Variants in C4orf50 observed in about 807,000 individuals in gnomAD.
C4orf50 encodes uncharacterized protein C4orf50.
A neutral mutation model predicts 77.2 loss-of-function variants in C4orf50; 80 were observed. The observed-to-expected ratio is 1.04, with a 90% CI of 0.87 to 1.25. The LOEUF is 1.25. C4orf50 is among the 50% of genes most tolerant of loss of function. The probability of loss-of-function intolerance (pLI) is 0.00; values close to 1 mark genes in which losing one functional copy is unlikely to be tolerated. For missense variants in C4orf50, 1,257 were observed against 1,152.9 expected, an observed-to-expected ratio of 1.09 and a Z score of -1.31; for synonymous variants, 532 against 465.3, an observed-to-expected ratio of 1.14 and a Z score of -1.84.
At chr4:5,965,170 G>A in intron 32 of C4orf50, 25 bp from the exon 11 acceptor site, 2 of 1,608,830 alleles carry the variant, frequency 1.2e-6, no homozygotes, top group Non-Finnish European at 1.7e-6. Flanking sequence ...TCTCAGTCAA[G>A]CCTCCACCCA....
intron 7 of C4orf50, among the ~76,000 whole-genome samples, chr4:5,935,156 G>C (rs1460733157): frequency 6.6e-6 from 1 of 152,194 alleles, no homozygotes; most frequent in East Asian, 1.9e-4. Context: ...AGTTCTCACA[G>C]GTCAGTAAAG....
intron 7 of C4orf50, among the ~76,000 whole-genome samples, chr4:5,914,143 C>G (rs943103307): frequency 1.3e-5 from 2 of 150,930 alleles, no homozygotes; most frequent in African/African-American, 4.9e-5. Context: ...GAAACTTACC[C>G]GCAGGGATAA....
chr4:5,997,789 T>G (rs1721659639), intron 25 of C4orf50, among the ~76,000 whole-genome samples: 1 of 152,258 alleles, frequency 6.6e-6, no homozygotes. Flanking sequence ...ATACAAAATG[T>G]AAATTTTTAC....
Position 5,908,780 on chromosome 4 carries a change from G to A in C4orf50, c.*2475-10592C>T, listed in dbSNP as rs1266280303. Among the ~76,000 whole-genome samples the A allele has an allele frequency of 6.6e-6, 1 of 152,156 alleles. No individual in the cohort carries two copies. The highest frequency in any genetic ancestry group is 1.5e-5 in the Non-Finnish European group (1 of 68,028). The stretch of plus-strand genomic sequence containing the variant: ...CAGCCTTCAGTGGGGATGCACAGGG[G>A]ATGTGGGAAGGTCATACTTGGGGAC... On this transcript the variant is annotated intron_variant, in intron 7 of 7. Transcript: ENST00000324058. This position sits in a 1 kb window ranked among gnomAD's most constrained non-coding sequence, Gnocchi z 5.6.
intron 7 of C4orf50, among the ~76,000 whole-genome samples, chr4:5,939,332 T>G (rs550675601): frequency 6.6e-6 from 1 of 152,350 alleles, no homozygotes; most frequent in East Asian, 1.9e-4. Flanking sequence ...CAACATCCTC[T>G]GTCACTGTCC....
intron 32 of C4orf50, among the ~76,000 whole-genome samples, chr4:5,966,302 C>T (rs1041274909): frequency 3.3e-5 from 5 of 151,932 alleles, no homozygotes; most frequent in Non-Finnish European, 5.9e-5. Context: ...ATGGAGAAAC[C>T]CTGTCTCTAC....
intron 7 of C4orf50, among the ~76,000 whole-genome samples, chr4:5,923,996 C>T (rs1234419459): frequency 3.3e-5 from 5 of 152,102 alleles, no homozygotes; most frequent in Admixed American, 1.3e-4. Flanking sequence ...GGATGCTTCC[C>T]GCTCCTGAAC....
At chr4:5,976,842 T>G (rs1295910072) in intron 29 of C4orf50, among the ~76,000 whole-genome samples, 1 of 152,244 alleles carries the variant, frequency 6.6e-6, no homozygotes, top group Non-Finnish European at 1.5e-5. Flanking sequence ...ACAGATTCTT[T>G]GAGACTGCTC....
In C4orf50 at chr4:5,992,197, C is replaced by T. The variant is rs1016369884; in HGVS notation, c.1221+606G>A. 2.0e-5 allele frequency among the ~76,000 whole-genome samples: 3 copies of T among 152,166 alleles called. No homozygotes were observed. Among genetic ancestry groups the T allele is most frequent in the Non-Finnish European group, 4.4e-5 (3 of 68,030 alleles). On this transcript the variant is annotated intron_variant, in intron 27 of 33. Transcript: ENST00000531445. The surrounding 1 kb of genome is among the most constrained non-coding windows in gnomAD (Gnocchi z 5.0). ...CCAACAACAAAAATAAGAGATACATCGTGAGCAGGATGTGAATGAATGAAG... is the reference window on the plus strand; with the variant it reads ...CCAACAACAAAAATAAGAGATACATTGTGAGCAGGATGTGAATGAATGAAG...
rs1457309303 is a variant in C4orf50, at chr4:5,958,169, G to A, written c.*1206C>T. Reference sequence around the variant, plus strand: ...GTGACATCTCTGGTGGGTGAGCCTGGGTCAGGGTCTGGTGTGTGTCGTCCA... The same window carrying A: ...GTGACATCTCTGGTGGGTGAGCCTGAGTCAGGGTCTGGTGTGTGTCGTCCA... On this transcript the variant is annotated 3_prime_UTR_variant, in exon 34 of 34. Coordinates refer to ENST00000531445, the Ensembl canonical transcript of C4orf50. The surrounding 1 kb of genome is among the most constrained non-coding windows in gnomAD (Gnocchi z 5.4). The A allele has an allele frequency of 6.6e-6, 1 of 152,240 alleles. No homozygotes were observed. The highest frequency in any genetic ancestry group is 2.4e-5 in the African/African-American group (1 of 41,436). 9.4% of individuals were successfully genotyped at this position (152,240 alleles called of 1,614,324 possible).
At chr4:5,982,909 G>T (rs1486991972) in intron 28 of C4orf50, among the ~76,000 whole-genome samples, 1 of 152,174 alleles carries the variant, frequency 6.6e-6, no homozygotes, top group Non-Finnish European at 1.5e-5. Context: ...AGCATGGAGT[G>T]TGGAGGCTGG....
At chr4:5,999,251 A>T (rs1721726323) in intron 25 of C4orf50, among the ~76,000 whole-genome samples, 1 of 152,198 alleles carries the variant, frequency 6.6e-6, no homozygotes, top group Admixed American at 6.5e-5. Context: ...GGTGGGGCCA[A>T]GCCTGTGCCT....
At position 5,977,358 on chromosome 4, in the gene C4orf50, G is replaced by T. The variant is rs182551698; in HGVS notation, c.3865-1403C>A. On this transcript the variant is annotated intron_variant, in intron 29 of 33. Coordinates refer to ENST00000531445, the Ensembl canonical transcript of C4orf50. ...CCTCTTCCTCACCCCCAAACTCTTC[G>T]GACCAACATACCTATATGGATCAGA... 4.3e-3 allele frequency among the ~76,000 whole-genome samples: 655 copies of T among 152,192 alleles called. 4 individuals are homozygous for T. Among genetic ancestry groups the T allele is most frequent in the Non-Finnish European group, 7.4e-3 (506 of 68,004 alleles).
At chr4:5,959,959 C>G (rs1358900965) in intron 33 of C4orf50, among the ~76,000 whole-genome samples, 2 of 152,142 alleles carry the variant, frequency 1.3e-5, no homozygotes, top group Non-Finnish European at 2.9e-5. Context: ...TTCTCCTTCC[C>G]GGTGATAAGA....
intron 25 of C4orf50, among the ~76,000 whole-genome samples, chr4:5,999,050 G>A (rs773325661): frequency 6.6e-6 from 1 of 152,186 alleles, no homozygotes; most frequent in Admixed American, 6.5e-5. Context: ...GGCAAGTTAC[G>A]GGAATCCTCC....
intron 26 of C4orf50, 133 bp from the exon 5 acceptor site, chr4:5,993,063 G>C (rs973544838): frequency 2.5e-6 from 1 of 395,822 alleles, no homozygotes; most frequent in African/African-American, 2.1e-5. Context: ...GCCTCCCAAG[G>C]GCAGCCTGAT....
intron 31 of C4orf50, among the ~76,000 whole-genome samples, chr4:5,969,898 G>A (rs1316070364): frequency 6.6e-6 from 1 of 152,054 alleles, no homozygotes; most frequent in Non-Finnish European, 1.5e-5. Context: ...TTCTCTGACG[G>A]GACCTTCCAT....
chr4:6,004,368 G>C (rs1373387651), intron 25 of C4orf50, among the ~76,000 whole-genome samples: 2 of 126,996 alleles, frequency 1.6e-5, no homozygotes, highest in Non-Finnish European at 3.3e-5. Context: ...TGGTGATGAT[G>C]GTGATGGTGA....
At position 5,992,573 on chromosome 4, in the gene C4orf50, C is replaced by A. The variant is rs1341779653; in HGVS notation, c.1221+230G>T. On this transcript the variant is annotated intron_variant, in intron 27 of 33. Coordinates refer to ENST00000531445, the Ensembl canonical transcript of C4orf50. The surrounding 1 kb of genome is among the most constrained non-coding windows in gnomAD (Gnocchi z 5.0). ...CGAGATGAAGCCTGTTCCGTGGAAG[C>A]CCAGGCCTGGCACCCAGTTAACCCC... Among the ~76,000 whole-genome samples, 1 of 152,110 alleles carries A rather than the reference C, an allele frequency of 6.6e-6. No individual in the cohort carries two copies. The highest frequency in any genetic ancestry group is 2.4e-5 in the African/African-American group (1 of 41,422).
Sources: gnomAD v4.1 joint callset for allele counts (sites outside exome capture counted in the v4.1 genomes callset) on GRCh38, gnomAD v4.1.1 for gene constraint, Gnocchi (gnomAD v3.1) non-coding constraint, MANE v1.5 for transcripts, NCBI Gene and HGNC (gene_info 2026-07-23, HGNC 2026-07-21) for gene names.